Variants in HMCN1 observed in about 807,000 individuals in gnomAD.
The protein encoded by HMCN1 is hemicentin 1.
A neutral mutation model predicts 625.9 loss-of-function variants in HMCN1; 321 were observed. The observed-to-expected ratio is 0.51, with a 90% CI of 0.47 to 0.56. The LOEUF is 0.56. Among genes scored for constraint, HMCN1 ranks in the 20% least tolerant of loss-of-function variants. HMCN1 has a pLI of 0.00. For synonymous variants in HMCN1, 2,425 were observed against 2,417.6 expected, an observed-to-expected ratio of 1.00 and a Z score of -0.09; for missense variants, 6,588 against 6,887.3, an observed-to-expected ratio of 0.96 and a Z score of 1.54.
chr1:186,110,815 T>C (rs1372328873), intron 71 of HMCN1, among the ~76,000 whole-genome samples: 1 of 151,686 alleles, frequency 6.6e-6, no homozygotes, highest in Non-Finnish European at 1.5e-5. Context: ...AAGGTCGTAT[T>C]CATACCCAAG....
At chr1:186,157,462 T>A in intron 97 of HMCN1, among the ~76,000 whole-genome samples, 1 of 152,218 alleles carries the variant, frequency 6.6e-6, no homozygotes, top group East Asian at 1.9e-4. Context: ...TGAATCCTAG[T>A]ATGATTATTT....
chr1:185,783,920 G>T (rs1402968475), intron 1 of HMCN1, among the ~76,000 whole-genome samples: 5 of 152,298 alleles, frequency 3.3e-5, no homozygotes, highest in East Asian at 1.9e-4. Context: ...GCTGTCTTTT[G>T]TTCAGCTATG....
chr1:186,040,934 A>C, intron 39 of HMCN1, 79 bp from the exon 40 acceptor site: 5 of 1,529,616 alleles, frequency 3.3e-6, no homozygotes, highest in Non-Finnish European at 9.0e-7. Context: ...GATAAGCCTC[A>C]AAAAAATAAG....
At chr1:185,907,002 G>A (rs1199101028) in intron 4 of HMCN1, among the ~76,000 whole-genome samples, 1 of 91,390 alleles carries the variant, frequency 1.1e-5, no homozygotes, top group Admixed American at 1.2e-4. Context: ...CATGTTTTAT[G>A]TTGACATAAA....
chr1:186,109,207 C>T (rs1345399915), intron 71 of HMCN1, among the ~76,000 whole-genome samples: 1 of 152,106 alleles, frequency 6.6e-6, no homozygotes, highest in Non-Finnish European at 1.5e-5. Context: ...TTTTTTTCTT[C>T]TTCGTTCTTC....
At chr1:186,036,456 A>T (rs543050128) in intron 36 of HMCN1, among the ~76,000 whole-genome samples, 1 of 152,296 alleles carries the variant, frequency 6.6e-6, no homozygotes. Context: ...CATGAGACTT[A>T]TTCACTATCA....
At chr1:186,046,023 T>A (rs1054125926) in intron 41 of HMCN1, among the ~76,000 whole-genome samples, 160 bp downstream of exon 41, 86 of 152,110 alleles carry the variant, frequency 5.7e-4, no homozygotes, top group Non-Finnish European at 8.2e-4. Flanking sequence ...TATTTAAAAA[T>A]TTTTTTGTTT....
chr1:186,184,155 C>T (rs1430795474), intron 105 of HMCN1, among the ~76,000 whole-genome samples: 1 of 152,112 alleles, frequency 6.6e-6, no homozygotes, highest in East Asian at 1.9e-4. Context: ...GTGGTCAAAT[C>T]AGAAACAGGT....
At chr1:185,877,321 C>CTTTTTT (rs71557837) in intron 4 of HMCN1, among the ~76,000 whole-genome samples, 12 of 34,912 alleles carry the variant, frequency 3.4e-4, no homozygotes, top group Admixed American at 9.8e-4. Flanking sequence ...ATGTGTCTTT[C>CTTTTTT]TTTTTTTTTT....
intron 19 of HMCN1, among the ~76,000 whole-genome samples, chr1:185,986,866 TTAAA>T (rs1652031103): frequency 6.7e-6 from 1 of 149,722 alleles, no homozygotes; most frequent in African/African-American, 2.4e-5. Context: ...ATTAAATAAA[TTAAA>T]TAAAATAAAA....
Position 186,071,534 on chromosome 1 carries a change from G to A in HMCN1, c.8139+777G>A, listed in dbSNP as rs556972142. Among the ~76,000 whole-genome samples the A allele has an allele frequency of 9.2e-5, 14 of 152,226 alleles. 1 individual carries two copies. In the South Asian group the frequency reaches 1.5e-3, roughly 16 times the overall value. On this transcript the variant is annotated intron_variant, in intron 52 of 106. Coordinates refer to ENST00000271588, the MANE Select transcript of HMCN1 (RefSeq NM_031935.3). ...ACCGTACTTAATACAGATGTGAAACGGCTAAGCTGCTGTTTGTCCTGTTTT... is the reference window on the plus strand; with the variant it reads ...ACCGTACTTAATACAGATGTGAAACAGCTAAGCTGCTGTTTGTCCTGTTTT...
chr1:185,952,012 G>A (rs183628442), intron 11 of HMCN1, among the ~76,000 whole-genome samples: 21 of 151,970 alleles, frequency 1.4e-4, no homozygotes, highest in African/African-American at 5.1e-4. Context: ...AATGTATTTT[G>A]AGAATAAGAC....
In HMCN1 at chr1:185,948,914, G is replaced by T. The variant is rs61462059; in HGVS notation, c.1829-13604G>T. On this transcript the variant is annotated intron_variant, in intron 11 of 106. Transcript: ENST00000271588. ...AGATTAAGCTGAAGGGAGGTCTTGTGGTAAGGGGTGATATTGTGGGGTTGT... is the reference window on the plus strand; with the variant it reads ...AGATTAAGCTGAAGGGAGGTCTTGTTGTAAGGGGTGATATTGTGGGGTTGT... 2.2e-3 allele frequency among the ~76,000 whole-genome samples: 338 copies of T among 151,902 alleles called. 7 individuals are homozygous for T. The highest frequency in any genetic ancestry group is 8.0e-3 in the African/African-American group (328 of 41,242).
intron 71 of HMCN1, among the ~76,000 whole-genome samples, chr1:186,111,150 T>G (rs1013615549): frequency 9.3e-5 from 14 of 150,522 alleles, no homozygotes. Flanking sequence ...CCGGCTACTT[T>G]TTTGTATTTT....
intron 4 of HMCN1, among the ~76,000 whole-genome samples, chr1:185,868,568 G>A (rs1663417482): frequency 6.6e-6 from 1 of 152,020 alleles, no homozygotes; most frequent in Non-Finnish European, 1.5e-5. Context: ...AGAAGGATGT[G>A]TTCACTCCCC....
At chr1:186,035,918 T>A (rs1482808420) in intron 36 of HMCN1, among the ~76,000 whole-genome samples, 1 of 152,120 alleles carries the variant, frequency 6.6e-6, no homozygotes, top group Non-Finnish European at 1.5e-5. Flanking sequence ...ATAACTGTAT[T>A]TTTTGTTTCA....
intron 11 of HMCN1, among the ~76,000 whole-genome samples, chr1:185,949,270 ATG>A (rs1668515027): frequency 1.3e-5 from 2 of 151,944 alleles, no homozygotes; most frequent in South Asian, 4.1e-4. Context: ...GAATATGAGT[ATG>A]ACTAGACAGA....
At chr1:186,144,951 C>T (rs1489350602) in intron 91 of HMCN1, among the ~76,000 whole-genome samples, 1 of 152,196 alleles carries the variant, frequency 6.6e-6, no homozygotes, top group African/African-American at 2.4e-5. Flanking sequence ...GAGAGCACCC[C>T]TGCATGCTAA....
rs1255868825 is a variant in HMCN1, at chr1:186,077,604, T to G, written c.8486-503T>G. Among the ~76,000 whole-genome samples, 6 of 152,162 alleles carry G rather than the reference T, an allele frequency of 3.9e-5. No homozygotes were observed. In the East Asian group the frequency reaches 1.2e-3, roughly 29 times the overall value. On this transcript the variant is annotated intron_variant, in intron 54 of 106. Coordinates refer to ENST00000271588, the MANE Select transcript of HMCN1 (RefSeq NM_031935.3). ...ATTAGTGAACATGAGTAAAAGTCTT[T>G]ATATAATTATTGCAACTTTTCTCTA...
Sources: gnomAD v4.1 joint callset for allele counts (sites outside exome capture counted in the v4.1 genomes callset) on GRCh38, gnomAD v4.1.1 for gene constraint, MANE v1.5 for transcripts, NCBI Gene and HGNC (gene_info 2026-07-23, HGNC 2026-07-21) for gene names.